The following PSMB1 variants were observed in gnomAD, a reference collection of about 807,000 sequenced individuals.
PSMB1 encodes proteasome 20S subunit beta 1.
Under a neutral mutation model 25.4 loss-of-function variants are expected in PSMB1, and 7 were observed. That is an observed-to-expected ratio of 0.28 (90% CI 0.16 to 0.52). The LOEUF (loss-of-function observed/expected upper bound fraction) is 0.52, where lower values mean the gene tolerates loss of function less well. PSMB1 is among the 20% of genes least tolerant of loss of function. The pLI is 0.97. For missense variants in PSMB1, 284 were observed against 302.2 expected, an observed-to-expected ratio of 0.94 and a Z score of 0.45; for synonymous variants, 119 against 115.0, an observed-to-expected ratio of 1.03 and a Z score of -0.22.
intron 4 of PSMB1, among the ~76,000 whole-genome samples, chr6:170,540,075 A>C (rs1402496095): frequency 7.9e-6 from 1 of 126,630 alleles, no homozygotes; most frequent in Non-Finnish European, 1.7e-5. Flanking sequence ...AGCCACTTTT[A>C]ATTTGGGAGA....
rs1778676084 is a variant in PSMB1 at position 170,535,277 on chromosome 6, G to C, written c.669C>G (p.Ile223Met). The C allele has an allele frequency of 3.1e-6, 5 of 1,614,188 alleles. No homozygotes were observed. Among genetic ancestry groups the C allele is most frequent in the Non-Finnish European group, 4.2e-6 (5 of 1,180,020 alleles). The part of the protein sequence containing the change: ...RDVYTGDALR[I>M]CIVTKEGIRE... The stretch of plus-strand genomic sequence containing the variant: ...TGATGCCCTCTTTGGTCACTATGCA[G>C]ATCCGGAGTGCGTCCCCAGTGTACA... Residue 223 changes from isoleucine to methionine, a missense_variant, in exon 6 of 6, where the codon ATC (isoleucine) becomes ATG (methionine). By Grantham distance (10) the Ile-to-Met change is conservative. Coordinates refer to ENST00000262193, the MANE Select transcript of PSMB1 (RefSeq NM_002793.4).
chr6:170,541,864 ACT>A (rs1013066411), intron 4 of PSMB1, among the ~76,000 whole-genome samples: 8 of 152,044 alleles, frequency 5.3e-5, no homozygotes, highest in African/African-American at 1.9e-4. Context: ...CCCAGATTAG[ACT>A]CTCTAACTCT....
chr6:170,550,163 T>G (rs939667424), intron 1 of PSMB1: 1 of 152,208 alleles, frequency 6.6e-6, no homozygotes, highest in Non-Finnish European at 1.5e-5. Flanking sequence ...TCAGGAAACT[T>G]AAGCCACTAT....
chr6:170,538,691 T>C (rs1778722759), intron 4 of PSMB1, among the ~76,000 whole-genome samples: 2 of 152,120 alleles, frequency 1.3e-5, no homozygotes, highest in Non-Finnish European at 2.9e-5. Flanking sequence ...AGAGCGAGAC[T>C]TGGTCTCAAA....
chr6:170,545,760 C>T (rs538112227), intron 3 of PSMB1, among the ~76,000 whole-genome samples: 124 of 152,318 alleles, frequency 8.1e-4, no homozygotes, highest in African/African-American at 3.0e-3. Context: ...GCTCCTGTGT[C>T]AAATCTTTCC....
intron 4 of PSMB1, among the ~76,000 whole-genome samples, chr6:170,541,576 A>G (rs1262408152): frequency 1.3e-5 from 2 of 152,256 alleles, no homozygotes; most frequent in Non-Finnish European, 2.9e-5. Context: ...GTACCAGGAA[A>G]TACAGGTAAA....
At chr6:170,544,964 G>A (rs943799015) in intron 3 of PSMB1, among the ~76,000 whole-genome samples, 2 of 152,026 alleles carry the variant, frequency 1.3e-5, no homozygotes, top group African/African-American at 4.8e-5. Context: ...GGCCAACATG[G>A]TGAAACCCCG....
At position 170,553,281 on chromosome 6, in the gene PSMB1, A is replaced by G. The variant is rs765433248; in HGVS notation, c.-39T>C. On this transcript the variant is annotated 5_prime_UTR_variant, in exon 1 of 6. Coordinates refer to ENST00000262193, the MANE Select transcript of PSMB1 (RefSeq NM_002793.4). Reference sequence around the variant, plus strand: ...CTGCGGATCCGACACTTGCTGTCTCACGGCGAGATGGCTGCCTTGACCGGA... The same window carrying G: ...CTGCGGATCCGACACTTGCTGTCTCGCGGCGAGATGGCTGCCTTGACCGGA... 6.7e-6 allele frequency: 10 copies of G among 1,488,460 alleles called. No individual in the cohort carries two copies. The South Asian group carries it at 1.2e-4, about 17-fold the overall frequency. The allele number at this position is 1,488,460 out of a possible 1,614,324, so 92.2% of individuals were successfully genotyped here.
intron 3 of PSMB1, among the ~76,000 whole-genome samples, chr6:170,545,874 C>T (rs750872988): frequency 6.6e-5 from 10 of 152,174 alleles, no homozygotes; most frequent in Non-Finnish European, 1.5e-4. Flanking sequence ...GTAGAGAACC[C>T]TTCATATGAT....
intron 2 of PSMB1, 56 bp downstream of exon 2, chr6:170,548,950 A>T (rs1778857365): frequency 2.3e-6 from 3 of 1,292,154 alleles, no homozygotes; most frequent in Non-Finnish European, 3.3e-6. Context: ...AGAAACTCTC[A>T]CAACATCAAA....
chr6:170,539,941 T>C (rs1422136744), intron 4 of PSMB1, among the ~76,000 whole-genome samples: 2 of 152,170 alleles, frequency 1.3e-5, no homozygotes, highest in African/African-American at 4.8e-5. Context: ...GCATATAGCT[T>C]AGATCTCCTT....
intron 4 of PSMB1, among the ~76,000 whole-genome samples, chr6:170,538,398 A>T (rs1778719380): frequency 6.6e-6 from 1 of 152,152 alleles, no homozygotes; most frequent in Non-Finnish European, 1.5e-5. Context: ...TATGTTTTCT[A>T]CTATAGAACT....
intron 4 of PSMB1, among the ~76,000 whole-genome samples, chr6:170,540,439 C>A (rs1778744384): frequency 6.6e-6 from 1 of 151,976 alleles, no homozygotes; most frequent in South Asian, 2.1e-4. Flanking sequence ...TCCCACCTCA[C>A]CTCAGGAAAA....
At chr6:170,549,793 T>G (rs1171784986) in intron 1 of PSMB1, 2 of 152,244 alleles carry the variant, frequency 1.3e-5, no homozygotes, top group East Asian at 3.9e-4. Flanking sequence ...CAGAGATCAC[T>G]GCAGTTGCTA....
Position 170,540,588 on chromosome 6 carries a change from C to CAA in PSMB1, c.433+3011_433+3012dup, listed in dbSNP as rs5881872. On this transcript the variant is annotated intron_variant, in intron 4 of 5. Coordinates refer to ENST00000262193, the MANE Select transcript of PSMB1 (RefSeq NM_002793.4). ...AAGACTCTTCAATGTGAATGGACAGCAAAAAAAAAAAAAAAAAAAAAAAAA... is the reference window on the plus strand; with the variant it reads ...AAGACTCTTCAATGTGAATGGACAGCAAAAAAAAAAAAAAAAAAAAAAAAAAA... Among the ~76,000 whole-genome samples the CAA allele has an allele frequency of 3.0e-3, 185 of 61,166 alleles. 8 individuals are homozygous for CAA. Among genetic ancestry groups the CAA allele is most frequent in the African/African-American group, 0.01 (125 of 12,078 alleles). 40.1% of individuals were successfully genotyped at this position (61,166 alleles called of 152,430 possible). A position where few individuals can be genotyped will look rare whatever the true frequency, so the allele number is the denominator to read the frequency against.
chr6:170,549,467 G>C lies in PSMB1; in HGVS notation c.114-354C>G, dbSNP rs141719262. 8.6e-4 allele frequency: 153 copies of C among 178,772 alleles called. 4 individuals are homozygous for C. The East Asian group carries it at 0.022, about 26-fold the overall frequency. 11.1% of individuals were successfully genotyped at this position (178,772 alleles called of 1,614,324 possible). A position where few individuals can be genotyped will look rare whatever the true frequency, so the allele number is the denominator to read the frequency against. On this transcript the variant is annotated intron_variant, in intron 1 of 5. Coordinates refer to ENST00000262193, the MANE Select transcript of PSMB1 (RefSeq NM_002793.4). ...CCTTGAGGATCAGGTATAGACAGTG[G>C]TACTACAACGCAAGCTCTATGAGTT...
At chr6:170,536,203 G>C in intron 5 of PSMB1, 1 of 330,134 alleles carries the variant, frequency 3.0e-6, no homozygotes, top group Non-Finnish European at 6.0e-6. Flanking sequence ...AAACTCAGAT[G>C]AGCCAAGTAG....
intron 4 of PSMB1, among the ~76,000 whole-genome samples, chr6:170,537,771 G>A (rs1778712408): frequency 6.6e-6 from 1 of 152,172 alleles, no homozygotes; most frequent in Non-Finnish European, 1.5e-5. Context: ...AATAATCCAA[G>A]CCATGGTAGT....
intron 4 of PSMB1, among the ~76,000 whole-genome samples, chr6:170,542,292 C>T (rs868656717): frequency 1.3e-5 from 2 of 152,252 alleles, no homozygotes; most frequent in Non-Finnish European, 1.5e-5. Context: ...GAACAGAAAG[C>T]GATAGGAGTC....
Sources: gnomAD v4.1 joint callset for allele counts (sites outside exome capture counted in the v4.1 genomes callset) on GRCh38, gnomAD v4.1.1 for gene constraint, MANE v1.5 for transcripts, NCBI Gene and HGNC (gene_info 2026-07-23, HGNC 2026-07-21) for gene names.